The following ADAM32 variants were observed in gnomAD, a reference collection of about 807,000 sequenced individuals.
ADAM32 encodes disintegrin and metalloproteinase domain-containing protein 32.
Under a neutral mutation model 114.9 loss-of-function variants are expected in ADAM32, and 89 were observed. That is an observed-to-expected ratio of 0.77 (90% CI 0.65 to 0.92). ADAM32 has a LOEUF of 0.92. ADAM32 is among the 40% of genes least tolerant of loss of function. The pLI, the probability that ADAM32 is intolerant of heterozygous loss-of-function variation, is 0.00. For synonymous variants in ADAM32, 285 were observed against 307.5 expected (o/e 0.93, Z 0.77); for missense variants, 870 against 932.8 (o/e 0.93, Z 0.88).
intron 24 of ADAM32, 143 bp downstream of exon 24, chr8:39,283,767 TA>T: frequency 3.7e-6 from 2 of 536,812 alleles, no homozygotes; most frequent in Admixed American, 4.5e-5. Context: ...ATCTTTCTTT[TA>T]TTCTTTTTTT....
intron 5 of ADAM32, 30 bp from the exon 6 acceptor site, chr8:39,151,347 G>A: frequency 6.6e-7 from 1 of 1,505,104 alleles, no homozygotes; most frequent in Admixed American, 2.4e-5. Context: ...TTGATTAAAA[G>A]CACTTAAAAT....
intron 19 of ADAM32, among the ~76,000 whole-genome samples, chr8:39,258,667 C>T (rs1266254740): frequency 1.3e-5 from 2 of 152,110 alleles, no homozygotes; most frequent in Non-Finnish European, 2.9e-5. Flanking sequence ...TATGTGTCCT[C>T]CAATGTTTTT....
intron 14 of ADAM32, 104 bp downstream of exon 14, chr8:39,223,342 T>TC: frequency 4.5e-6 from 3 of 660,710 alleles, no homozygotes; most frequent in South Asian, 5.1e-5. Flanking sequence ...ATGTTTTATA[T>TC]AGTATAAAAT....
At chr8:39,127,686 G>T (rs1465564443) in intron 2 of ADAM32, among the ~76,000 whole-genome samples, 2 of 151,770 alleles carry the variant, frequency 1.3e-5, no homozygotes, top group Non-Finnish European at 1.5e-5. Flanking sequence ...CTTCAGTTCT[G>T]CCCTGATTTT....
intron 24 of ADAM32, among the ~76,000 whole-genome samples, chr8:39,283,856 C>T (rs370313068): frequency 2.6e-5 from 4 of 151,232 alleles, no homozygotes; most frequent in Admixed American, 6.6e-5. Flanking sequence ...TCACTGCAAC[C>T]TCAGCCTCCC....
intron 20 of ADAM32, among the ~76,000 whole-genome samples, chr8:39,272,451 C>T (rs757002081): frequency 1.3e-5 from 2 of 152,036 alleles, no homozygotes; most frequent in Admixed American, 6.6e-5. Context: ...GATTGTATAG[C>T]CTATTATGTA....
chr8:39,187,423 C>T (rs1806317817), intron 11 of ADAM32, among the ~76,000 whole-genome samples: 1 of 152,198 alleles, frequency 6.6e-6, no homozygotes, highest in Non-Finnish European at 1.5e-5. Flanking sequence ...AGGCACCCGC[C>T]ACCGTGCCCA....
At chr8:39,161,597 A>G (rs997079894) in intron 7 of ADAM32, among the ~76,000 whole-genome samples, 1 of 152,150 alleles carries the variant, frequency 6.6e-6, no homozygotes, top group Non-Finnish European at 1.5e-5. Context: ...GAAAATAGAG[A>G]TTAAAAATAT....
intron 18 of ADAM32, 76 bp from the exon 19 acceptor site, chr8:39,257,111 G>C (rs549186846): frequency 1.5e-6 from 2 of 1,313,660 alleles, no homozygotes; most frequent in African/African-American, 3.0e-5. Context: ...AGATTTTAAT[G>C]AATGTGTTGC....
At chr8:39,231,483 A>G (rs1314819111) in intron 14 of ADAM32, among the ~76,000 whole-genome samples, 1 of 152,296 alleles carries the variant, frequency 6.6e-6, no homozygotes, top group East Asian at 1.9e-4. Context: ...TACTGAGTCC[A>G]TGACAATAAA....
chr8:39,283,602 A>T lies in ADAM32; in HGVS notation c.2335A>T (p.Ser779Cys). 1.2e-6 allele frequency: 2 copies of T among 1,603,250 alleles called. No individual in the cohort carries two copies. The highest frequency in any genetic ancestry group is 1.7e-6 in the Non-Finnish European group (2 of 1,172,750). The stretch of plus-strand genomic sequence containing the variant: ...TTTCCTTAGATCCAAATCACAGGAC[A>T]GTACCCAAACACAAAGCAGTAGGTA... ...AYTSRSKSQD[S>C]TQTQSSSN Residue 779 changes from serine (S) to cysteine (C), a missense_variant, in exon 24 of 25, where the codon AGT becomes TGT. Physicochemically the swap from Ser to Cys is moderately radical, Grantham distance 112. Coordinates refer to ENST00000379907, the MANE Select transcript of ADAM32 (RefSeq NM_145004.7).
intron 12 of ADAM32, among the ~76,000 whole-genome samples, chr8:39,219,944 G>A (rs1808835509): frequency 6.6e-6 from 1 of 152,164 alleles, no homozygotes; most frequent in Admixed American, 6.6e-5. Flanking sequence ...TACTTTGTAA[G>A]TGTGTATTAG....
Position 39,208,091 on chromosome 8 carries a change from G to T in ADAM32, c.1053-3053G>T, listed in dbSNP as rs565068341. 1.1e-4 allele frequency among the ~76,000 whole-genome samples: 17 copies of T among 152,140 alleles called. No homozygotes were observed. In the South Asian group the frequency reaches 3.1e-3, roughly 28 times the overall value. On this transcript the variant is annotated intron_variant, in intron 11 of 24. Transcript: ENST00000379907. ...TTTTTTTACAGATATATACCCAGTT[G>T]TGGATTGCTAGATCATATAGTAGTC...
At chr8:39,123,743 G>A (rs1422175925) in intron 2 of ADAM32, among the ~76,000 whole-genome samples, 2 of 125,158 alleles carry the variant, frequency 1.6e-5, no homozygotes, top group Non-Finnish European at 3.2e-5. Context: ...GTCTCACTCT[G>A]TCTCCCAGGC....
At chr8:39,266,440 A>G (rs1379337478) in intron 19 of ADAM32, among the ~76,000 whole-genome samples, 2 of 152,128 alleles carry the variant, frequency 1.3e-5, no homozygotes, top group Non-Finnish European at 2.9e-5. Flanking sequence ...TTTCCTCAGC[A>G]TGGTCTATTC....
chr8:39,157,862 G>T (rs1173586057), intron 6 of ADAM32: 1 of 564,500 alleles, frequency 1.8e-6, no homozygotes, highest in African/African-American at 1.9e-5. Context: ...TGATGAAGTA[G>T]CCCTGACTGA....
intron 11 of ADAM32, among the ~76,000 whole-genome samples, chr8:39,194,268 G>C (rs1806805927): frequency 6.6e-6 from 1 of 152,142 alleles, no homozygotes; most frequent in East Asian, 1.9e-4. Context: ...TGTTTTTAAT[G>C]CCTAGTTTTA....
intron 2 of ADAM32, among the ~76,000 whole-genome samples, chr8:39,130,312 T>C (rs977134468): frequency 7.9e-5 from 12 of 152,338 alleles, no homozygotes; most frequent in Admixed American, 5.9e-4. Context: ...GTTAAAGGTT[T>C]GTCCATTTTG....
At chr8:39,138,352 T>G (rs1564466365) in intron 3 of ADAM32, among the ~76,000 whole-genome samples, 1 of 151,174 alleles carries the variant, frequency 6.6e-6, no homozygotes, top group Non-Finnish European at 1.5e-5. Flanking sequence ...GGCCCTGGTG[T>G]GTGACATCCC....
Sources: allele counts gnomAD v4.1 joint callset (sites outside exome capture counted in the v4.1 genomes callset), GRCh38; gene constraint gnomAD v4.1.1; transcripts MANE v1.5; gene names NCBI Gene and HGNC (gene_info 2026-07-23, HGNC 2026-07-21).